Variants in LRSAM1 observed in about 807,000 individuals in gnomAD.
LRSAM1 encodes E3 ubiquitin-protein ligase LRSAM1.
LRSAM1 carries 96 observed loss-of-function variants against 118.1 expected under a neutral mutation model. The observed-to-expected ratio is 0.81, with a 90% CI of 0.69 to 0.96. LRSAM1 has a LOEUF of 0.96. Ranked by LOEUF, LRSAM1 falls within the 40% of genes least tolerant of loss-of-function variation. The pLI is 0.00. For missense variants in LRSAM1, 804 were observed against 915.5 expected (o/e 0.88, Z 1.57); for synonymous variants, 322 against 364.2 (o/e 0.88, Z 1.32).
chr9:127,465,859 C>A lies in LRSAM1; in HGVS notation c.529-1881C>A, dbSNP rs1024883697. Among the ~76,000 whole-genome samples the A allele has an allele frequency of 1.3e-5, 2 of 152,296 alleles. No homozygotes were observed. The highest frequency in any genetic ancestry group is 6.5e-5 in the Admixed American group (1 of 15,296). ...AGGGCAGGGTCCAACACAACTCACA[C>A]CGTGGATGGGGCAGTTCTGTGGCTG... On this transcript the variant is annotated intron_variant, in intron 9 of 25. Transcript: ENST00000300417. This position sits in a 1 kb window ranked among gnomAD's most constrained non-coding sequence, Gnocchi z 4.1.
upstream of LRSAM1, chr9:127,451,495 C>A: frequency 1.4e-6 from 1 of 713,342 alleles, no homozygotes; most frequent in South Asian, 1.8e-5. Flanking sequence ...CAGAGACGCC[C>A]TTGTCGCCAT....
intron 9 of LRSAM1, among the ~76,000 whole-genome samples, chr9:127,463,089 CG>C (rs1029966954): frequency 1.6e-4 from 24 of 149,016 alleles, no homozygotes; most frequent in African/African-American, 5.9e-4. Context: ...CCCAGCTACT[CG>C]GGGGAGGCTG....
chr9:127,474,718 T>A (rs2132050211), intron 11 of LRSAM1, among the ~76,000 whole-genome samples: 1 of 152,340 alleles, frequency 6.6e-6, no homozygotes, highest in Non-Finnish European at 1.5e-5. Context: ...CCCACCATGC[T>A]CTGGGTCTAG....
At chr9:127,474,709 C>T (rs193089410) in intron 11 of LRSAM1, among the ~76,000 whole-genome samples, 31 of 152,318 alleles carry the variant, frequency 2.0e-4, no homozygotes, top group Admixed American at 1.9e-3. Flanking sequence ...GGACACACAC[C>T]CACCATGCTC....
At chr9:127,485,607 T>A (rs1835701202) in intron 16 of LRSAM1, 129 bp from the exon 17 acceptor site, 2 of 822,038 alleles carry the variant, frequency 2.4e-6, no homozygotes, top group African/African-American at 1.7e-5. Context: ...AAGATAACTA[T>A]CAGGTAGGTA....
chr9:127,495,657 A>G lies in LRSAM1; in HGVS notation c.1698+239A>G, dbSNP rs117245029. On this transcript the variant is annotated intron_variant, in intron 22 of 25. Coordinates refer to ENST00000300417, the MANE Select transcript of LRSAM1 (RefSeq NM_001005373.4). Reference sequence around the variant, plus strand: ...GGGCAGAGACCACTGAGCCCACAGTAGAGCAAAGCCTGTGCCGGGAGCCAC... The same window carrying G: ...GGGCAGAGACCACTGAGCCCACAGTGGAGCAAAGCCTGTGCCGGGAGCCAC... Among the ~76,000 whole-genome samples the G allele has an allele frequency of 2.2e-3, 331 of 152,292 alleles. 3 individuals carry two copies. The East Asian group carries it at 0.042, about 19-fold the overall frequency.
Position 127,492,872 on chromosome 9 carries a change from G to A in LRSAM1, c.1574G>A (p.Arg525Gln), listed in dbSNP as rs770244104. 4.3e-6 allele frequency: 7 copies of A among 1,613,944 alleles called. No homozygotes were observed. The highest frequency in any genetic ancestry group is 1.7e-5 in the Admixed American group (1 of 60,006). Residue 525 changes from arginine to glutamine, a missense_variant, in exon 21 of 26, where the codon CGA becomes CAA. Physicochemically the swap from Arg to Gln is conservative, Grantham distance 43. Coordinates refer to ENST00000300417, the MANE Select transcript of LRSAM1 (RefSeq NM_001005373.4). ...CAGCTGCTCAAAGAGAAGCAGCAGC[G>A]AGAGGAAGAGCTCCGGGAAATCCTG... The part of the protein sequence containing the change: ...LQQLLKEKQQ[R>Q]EEELREILTE...
chr9:127,501,458 A>G (rs571663284), intron 25 of LRSAM1, among the ~76,000 whole-genome samples: 2 of 152,174 alleles, frequency 1.3e-5, no homozygotes, highest in Non-Finnish European at 2.9e-5. Context: ...TTGGCCAGGC[A>G]TGGTGGCTCA....
intron 15 of LRSAM1, among the ~76,000 whole-genome samples, chr9:127,481,482 T>C (rs2132068883): frequency 6.6e-6 from 1 of 152,046 alleles, no homozygotes; most frequent in East Asian, 2.0e-4. Flanking sequence ...TCTCCTGACC[T>C]CATGATCTGC....
intron 9 of LRSAM1, 70 bp from the exon 10 acceptor site, chr9:127,467,670 A>T (rs1835008314): frequency 7.1e-7 from 1 of 1,405,344 alleles, no homozygotes; most frequent in African/African-American, 1.4e-5. Flanking sequence ...ACACAAATTG[A>T]TAAGGAAATC....
rs1436729235 is a variant in LRSAM1 at position 127,502,911 on chromosome 9, C to A, written c.*12C>A. 3 of 1,585,290 alleles carry A rather than the reference C, an allele frequency of 1.9e-6. No homozygotes were observed. Among genetic ancestry groups the A allele is most frequent in the Non-Finnish European group, 2.6e-6 (3 of 1,167,158 alleles). On this transcript the variant is annotated 3_prime_UTR_variant, in exon 26 of 26. Transcript: ENST00000300417. ...ACCACAGCAGCTGAGTGCTGCCCGC[C>A]CACCTGGGCCTGGTCCTAGCCCTGC...
chr9:127,497,204 AGCGG>A (rs1836182044), intron 23 of LRSAM1, 45 bp from the exon 24 acceptor site: 1 of 1,587,780 alleles, frequency 6.3e-7, no homozygotes, highest in Non-Finnish European at 8.6e-7. Flanking sequence ...CACACCATTT[AGCGG>A]GCTCCCGCCC....
intron 16 of LRSAM1, among the ~76,000 whole-genome samples, chr9:127,483,787 C>T (rs1284532076): frequency 2.0e-5 from 3 of 152,102 alleles, no homozygotes; most frequent in South Asian, 2.1e-4. Flanking sequence ...CCTCAGCCTC[C>T]GAGTAGCTAG....
intron 10 of LRSAM1, among the ~76,000 whole-genome samples, chr9:127,468,642 C>G (rs983664690): frequency 3.0e-4 from 46 of 152,028 alleles, no homozygotes; most frequent in Non-Finnish European, 2.9e-5. Context: ...CTTCCTTAAA[C>G]AGGAAGCAGG....
In LRSAM1 at chr9:127,462,342, C is replaced by T. The variant is rs142085060; in HGVS notation, c.497C>T (p.Pro166Leu). 1.7e-4 allele frequency: 281 copies of T among 1,614,002 alleles called. No individual in the cohort carries two copies. The highest frequency in any genetic ancestry group is 2.2e-4 in the Non-Finnish European group (259 of 1,179,990). Residue 166 changes from proline (P) to leucine (L), a missense_variant, in exon 9 of 26, where the codon CCG becomes CTG. Physicochemically the swap from Pro to Leu is moderately conservative, Grantham distance 98 (BLOSUM62 -3). Coordinates refer to ENST00000300417, the MANE Select transcript of LRSAM1 (RefSeq NM_001005373.4). ...NISGNEIQRLPQMLAHVRTLE... is the reference protein window; with the variant it reads ...NISGNEIQRLLQMLAHVRTLE... ...AGTGGAAACGAGATCCAGAGATTGC[C>T]GCAGATGCTGGCTCACGTTCGAACC...
chr9:127,481,114 A>C (rs1835519755), intron 14 of LRSAM1, 69 bp from the exon 15 acceptor site: 2 of 1,549,766 alleles, frequency 1.3e-6, no homozygotes, highest in East Asian at 2.2e-5. Context: ...CCCTCTGCAC[A>C]GCTAACGCAG....
At chr9:127,462,472 G>A in intron 9 of LRSAM1, 99 bp downstream of exon 9, 1 of 1,582,378 alleles carries the variant, frequency 6.3e-7, no homozygotes, top group Non-Finnish European at 8.7e-7. Flanking sequence ...ACGGTACCAG[G>A]GCCACACAGA....
At chr9:127,473,046 T>G (rs1363529320) in intron 10 of LRSAM1, among the ~76,000 whole-genome samples, 3 of 152,202 alleles carry the variant, frequency 2.0e-5, no homozygotes, top group East Asian at 1.9e-4. Context: ...ATGAAGTATT[T>G]TATTAAAGAG....
At chr9:127,457,025 C>T (rs760863378) in intron 5 of LRSAM1, among the ~76,000 whole-genome samples, 1 of 152,172 alleles carries the variant, frequency 6.6e-6, no homozygotes, top group Non-Finnish European at 1.5e-5. Flanking sequence ...CACGTGAAGA[C>T]GCTGGTGCTG....
Sources: gnomAD v4.1 joint callset for allele counts (sites outside exome capture counted in the v4.1 genomes callset) on GRCh38, gnomAD v4.1.1 for gene constraint, Gnocchi (gnomAD v3.1) non-coding constraint, MANE v1.5 for transcripts, NCBI Gene and HGNC (gene_info 2026-07-23, HGNC 2026-07-21) for gene names.